The following PTPRD variants were observed in gnomAD, a reference collection of about 807,000 sequenced individuals.
The protein encoded by PTPRD is receptor-type tyrosine-protein phosphatase delta.
A neutral mutation model predicts 214.5 loss-of-function variants in PTPRD; 34 were observed. The ratio of observed to expected loss-of-function variants is 0.16; its 90% CI spans 0.12 to 0.21. PTPRD has a LOEUF of 0.21. Among genes scored for constraint, PTPRD ranks in the 10% least tolerant of loss-of-function variants. The probability of loss-of-function intolerance (pLI) is 1.00; values close to 1 mark genes in which losing one functional copy is unlikely to be tolerated. For missense variants in PTPRD, 2,545 were observed against 2,398.7 expected (o/e 1.06, Z -1.27); for synonymous variants, 1,128 against 845.7 (o/e 1.33, Z -5.79).
chr9:9,066,998 T>C (rs188440443), intron 10 of PTPRD, among the ~76,000 whole-genome samples: 1 of 152,310 alleles, frequency 6.6e-6, no homozygotes, highest in African/African-American at 2.4e-5. Context: ...ATCCCAGCAC[T>C]TTGGGAGGCT....
rs2130434848 is a variant in PTPRD, at chr9:8,317,823, C to G, written c.*51G>C. On this transcript the variant is annotated 3_prime_UTR_variant, in exon 46 of 46. Transcript: ENST00000381196. Reference sequence around the variant, plus strand: ...TGCCCTGTATGGCTCAGAAGAGACTCCATGGATATTGAAGGGCCTGTAGTA... The same window carrying G: ...TGCCCTGTATGGCTCAGAAGAGACTGCATGGATATTGAAGGGCCTGTAGTA... 6.5e-7 allele frequency: 1 copy of G among 1,543,646 alleles called. No homozygotes were observed. Among genetic ancestry groups the G allele is most frequent in the Non-Finnish European group, 9.0e-7 (1 of 1,116,896 alleles).
At chr9:10,042,982 T>C (rs1366183262) in intron 3 of PTPRD, among the ~76,000 whole-genome samples, 1 of 151,904 alleles carries the variant, frequency 6.6e-6, no homozygotes, top group African/African-American at 2.4e-5. Context: ...ACACTGAATT[T>C]TAACTGAGAA....
At chr9:10,143,936 A>G (rs538385035) in intron 3 of PTPRD, among the ~76,000 whole-genome samples, 1 of 152,150 alleles carries the variant, frequency 6.6e-6, no homozygotes, top group South Asian at 2.1e-4. Context: ...GCATTCAGAA[A>G]CTACCTATTA....
chr9:10,228,397 A>C (rs541226602), intron 3 of PTPRD, among the ~76,000 whole-genome samples: 3 of 152,158 alleles, frequency 2.0e-5, no homozygotes, highest in Non-Finnish European at 2.9e-5. Flanking sequence ...AACACTTAGC[A>C]TTAGCCAGCC....
intron 5 of PTPRD, among the ~76,000 whole-genome samples, chr9:9,869,781 T>TAA (rs557355772): frequency 3.3e-5 from 5 of 151,162 alleles, no homozygotes; most frequent in African/African-American, 9.7e-5. Context: ...TAAACTGCAT[T>TAA]AAAAAAAATA....
intron 8 of PTPRD, among the ~76,000 whole-genome samples, chr9:9,534,442 T>C (rs940822404): frequency 1.3e-5 from 2 of 151,990 alleles, no homozygotes; most frequent in African/African-American, 4.8e-5. Context: ...AATTGGGAAA[T>C]AGGATGCTAA....
At chr9:9,313,084 T>G (rs1960023035) in intron 9 of PTPRD, among the ~76,000 whole-genome samples, 1 of 152,194 alleles carries the variant, frequency 6.6e-6, no homozygotes, top group Non-Finnish European at 1.5e-5. Flanking sequence ...TTGGGGTCTT[T>G]ATTTTGAAGT....
intron 2 of PTPRD, among the ~76,000 whole-genome samples, chr9:10,485,966 A>T (rs943396947): frequency 3.3e-5 from 5 of 151,398 alleles, no homozygotes; most frequent in African/African-American, 4.8e-5. Context: ...TCATATGCTC[A>T]TTGGCTGCAT....
chr9:8,527,278 A>T, intron 16 of PTPRD, 67 bp downstream of exon 16: 1 of 1,503,632 alleles, frequency 6.7e-7, no homozygotes, highest in Non-Finnish European at 9.1e-7. Context: ...TTTTATTAAT[A>T]ATAATAATAA....
At chr9:8,685,446 TGGA>T (rs1203736916) in intron 12 of PTPRD, among the ~76,000 whole-genome samples, 2 of 152,164 alleles carry the variant, frequency 1.3e-5, no homozygotes. Context: ...TCCATTTTGT[TGGA>T]GTTTCAGAAG....
chr9:9,448,468 G>A (rs564596638), intron 8 of PTPRD, among the ~76,000 whole-genome samples: 10 of 152,146 alleles, frequency 6.6e-5, no homozygotes, highest in African/African-American at 2.4e-4. Context: ...CTCTCCTGCT[G>A]CCTTGTGAAG....
At chr9:9,934,960 A>T (rs982054876) in intron 5 of PTPRD, among the ~76,000 whole-genome samples, 12 of 152,240 alleles carry the variant, frequency 7.9e-5, no homozygotes, top group Non-Finnish European at 1.5e-4. Context: ...ATATAAACAG[A>T]GCCAAAGACA....
chr9:10,087,277 C>T (rs1350422792), intron 3 of PTPRD, among the ~76,000 whole-genome samples: 1 of 151,458 alleles, frequency 6.6e-6, no homozygotes, highest in Non-Finnish European at 1.5e-5. Flanking sequence ...ATTCTTCTCC[C>T]AAATGGAAAT....
rs899926221 is a variant in PTPRD at position 10,174,309 on chromosome 9, A to G, written c.-544-140519T>C. Among the ~76,000 whole-genome samples the G allele has an allele frequency of 3.2e-4, 48 of 152,062 alleles. 1 individual carries two copies. Among genetic ancestry groups the G allele is most frequent in the Admixed American group, 3.1e-3 (48 of 15,266 alleles). ...AGTTCTCACCCAATTAATTCCAGTG[A>G]TAGCTGACTGTTAAAAACAGCCTGG... On this transcript the variant is annotated intron_variant, in intron 3 of 45. Coordinates refer to ENST00000381196, the MANE Select transcript of PTPRD (RefSeq NM_002839.4).
chr9:8,679,245 T>C (rs879441363), intron 12 of PTPRD, among the ~76,000 whole-genome samples: 24 of 152,212 alleles, frequency 1.6e-4, no homozygotes, highest in Admixed American at 1.4e-3. Flanking sequence ...AGTTTGTTCA[T>C]TATCATGCAA....
intron 4 of PTPRD, among the ~76,000 whole-genome samples, chr9:9,987,291 G>C (rs763572687): frequency 1.3e-5 from 2 of 152,132 alleles, no homozygotes; most frequent in African/African-American, 2.4e-5. Context: ...TAGAATTTGT[G>C]ATGCTGTGTT....
chr9:9,665,371 G>T (rs1165355878), intron 7 of PTPRD, among the ~76,000 whole-genome samples: 1 of 151,680 alleles, frequency 6.6e-6, no homozygotes, highest in Non-Finnish European at 1.5e-5. Context: ...TTGCATCAGA[G>T]TATTTTTAAA....
intron 8 of PTPRD, among the ~76,000 whole-genome samples, chr9:9,533,555 T>C (rs1273384576): frequency 6.6e-6 from 1 of 152,128 alleles, no homozygotes; most frequent in African/African-American, 2.4e-5. Context: ...AAATGCATTA[T>C]TCAGAGCTGT....
intron 2 of PTPRD, among the ~76,000 whole-genome samples, chr9:10,434,618 C>G (rs2098705089): frequency 6.6e-6 from 1 of 151,826 alleles, no homozygotes; most frequent in South Asian, 2.1e-4. Context: ...TAAAGGCTAA[C>G]AGAGTCACAA....
Sources: allele counts gnomAD v4.1 joint callset (sites outside exome capture counted in the v4.1 genomes callset), GRCh38; gene constraint gnomAD v4.1.1; transcripts MANE v1.5; gene names NCBI Gene and HGNC (gene_info 2026-07-23, HGNC 2026-07-21).